C4orf33: variants seen among roughly 807,000 people sequenced by gnomAD.
C4orf33 encodes chromosome 4 open reading frame 33, also known as UPF0462 protein C4orf33.
C4orf33 carries 20 observed loss-of-function variants against 24.3 expected under a neutral mutation model. That is an observed-to-expected ratio of 0.82 (90% CI 0.58 to 1.19). The LOEUF (loss-of-function observed/expected upper bound fraction) is 1.19. Ranked by LOEUF, C4orf33 falls within the 50% of genes most tolerant of loss-of-function variation. The pLI is 0.00. For synonymous variants in C4orf33, 67 were observed against 76.4 expected (o/e 0.88, Z 0.64); for missense variants, 207 against 225.9 (o/e 0.92, Z 0.54).
intron 5 of C4orf33, among the ~76,000 whole-genome samples, chr4:129,110,495 G>A (rs1709416): frequency 0.27 from 41,691 of 152,038 alleles, 6,492 homozygotes; most frequent in Non-Finnish European, 0.35. Flanking sequence ...CTGTCCTGGG[G>A]CAAGCTGTGA....
At chr4:129,099,015 A>G (rs1437604105) in intron 1 of C4orf33, among the ~76,000 whole-genome samples, 2 of 152,090 alleles carry the variant, frequency 1.3e-5, no homozygotes, top group African/African-American at 4.8e-5. Flanking sequence ...TCTTGTTTTG[A>G]TAAGATTCTG....
At chr4:129,108,316 A>G (rs1052333894) in intron 3 of C4orf33, among the ~76,000 whole-genome samples, 12 of 152,192 alleles carry the variant, frequency 7.9e-5, no homozygotes, top group African/African-American at 1.2e-4. Flanking sequence ...TCATGTAAAT[A>G]CATGAAATCC....
chr4:129,106,708 T>G, intron 3 of C4orf33, 61 bp downstream of exon 3: 1 of 868,482 alleles, frequency 1.2e-6, no homozygotes, highest in Non-Finnish European at 1.8e-6. Flanking sequence ...TATTTTCTAG[T>G]TATAAATGAT....
chr4:129,102,773 G>A lies in C4orf33; in HGVS notation c.163G>A (p.Glu55Lys), dbSNP rs1281348714. 1.2e-6 allele frequency: 2 copies of A among 1,612,734 alleles called. No individual in the cohort carries two copies. Among genetic ancestry groups the A allele is most frequent in the Admixed American group, 1.7e-5 (1 of 59,696 alleles). The change falls in exon 2 of 6, where the codon GAA becomes AAA. Residue 55 changes from glutamate (E) to lysine (K), a missense_variant. Glu to Lys is a moderately conservative substitution (Grantham distance 56). Transcript: ENST00000425929. ...PLGEPGKPFN[E>K]LWDYEVVEAF... is the part of the protein sequence containing the mutation. The stretch of plus-strand genomic sequence containing the variant: ...TGGAGAACCAGGAAAACCTTTCAAT[G>A]AACTGTGGGATTATGAAGGTAAGTG...
chr4:129,110,583 A>G (rs1580018865), intron 5 of C4orf33, among the ~76,000 whole-genome samples: 2 of 152,280 alleles, frequency 1.3e-5, no homozygotes, highest in Non-Finnish European at 2.9e-5. Context: ...GAAGAACCTA[A>G]CAGAAACATC....
rs1040396778 is a variant in C4orf33 at position 129,113,910 on chromosome 4, C to T, written c.*2119C>T. 6.6e-6 allele frequency: 1 copy of T among 152,140 alleles called. No homozygotes were observed. Among genetic ancestry groups the T allele is most frequent in the African/African-American group, 2.4e-5 (1 of 41,424 alleles). The allele number at this position is 152,140 out of a possible 1,614,324, so 9.4% of individuals were successfully genotyped here. On this transcript the variant is annotated 3_prime_UTR_variant, in exon 6 of 6. Coordinates refer to ENST00000425929, the MANE Select transcript of C4orf33 (RefSeq NM_001099783.2). ...GGGTAGCAAGTGGATAAAGCAATTACAGTAAGCCCTCAGCCCTTTTCTCAT... is the reference window on the plus strand; with the variant it reads ...GGGTAGCAAGTGGATAAAGCAATTATAGTAAGCCCTCAGCCCTTTTCTCAT...
Position 129,112,772 on chromosome 4 carries a change from C to T in C4orf33, c.*981C>T, listed in dbSNP as rs1211905539. 1 of 151,994 alleles carries T rather than the reference C, an allele frequency of 6.6e-6. No homozygotes were observed. Among genetic ancestry groups the T allele is most frequent in the Non-Finnish European group, 1.5e-5 (1 of 67,940 alleles). 9.4% of individuals were successfully genotyped at this position (151,994 alleles called of 1,614,324 possible). On this transcript the variant is annotated 3_prime_UTR_variant, in exon 6 of 6. Coordinates refer to ENST00000425929, the MANE Select transcript of C4orf33 (RefSeq NM_001099783.2). ...GACTTACTCATTTCTTATATATGTTCTCTATCTAAAAAGAGAGCTGGTGTA... is the reference window on the plus strand; with the variant it reads ...GACTTACTCATTTCTTATATATGTTTTCTATCTAAAAAGAGAGCTGGTGTA...
intron 5 of C4orf33, among the ~76,000 whole-genome samples, chr4:129,110,555 C>T (rs908432550): frequency 2.6e-5 from 4 of 152,128 alleles, no homozygotes; most frequent in Non-Finnish European, 5.9e-5. Flanking sequence ...AAGGTAGTCT[C>T]GTGAGTCTGG....
chr4:129,094,231 T>A (rs960566238), upstream of C4orf33, among the ~76,000 whole-genome samples: 3 of 152,206 alleles, frequency 2.0e-5, no homozygotes, highest in Non-Finnish European at 4.4e-5. Flanking sequence ...AACAAAACGG[T>A]AAAACTTACA....
chr4:129,098,253 C>G (rs1435033621), intron 1 of C4orf33, among the ~76,000 whole-genome samples: 1 of 152,032 alleles, frequency 6.6e-6, no homozygotes. Context: ...ATTTGAGGTA[C>G]GAATGATCCT....
chr4:129,098,454 A>C (rs930471594), intron 1 of C4orf33, among the ~76,000 whole-genome samples: 1 of 152,222 alleles, frequency 6.6e-6, no homozygotes, highest in African/African-American at 2.4e-5. Context: ...GAATTTGCTT[A>C]GAATAATAGC....
intron 3 of C4orf33, among the ~76,000 whole-genome samples, chr4:129,108,054 G>A (rs750470290): frequency 6.6e-6 from 1 of 152,034 alleles, no homozygotes; most frequent in Non-Finnish European, 1.5e-5. Flanking sequence ...GTCATTTCCT[G>A]TAACAGTTTA....
rs558336897 is a variant in C4orf33 at position 129,102,740 on chromosome 4, G to T, written c.130G>T (p.Ala44Ser). ...TGCTCCATTTTTCAGGGATCCTCCA[G>T]CCCCACTTGGAGAACCAGGAAAACC... ...ISAPFFRDPPAPLGEPGKPFN... is the reference protein window; with the variant it reads ...ISAPFFRDPPSPLGEPGKPFN... The change falls in exon 2 of 6, where the codon GCC (alanine) becomes TCC (serine). Residue 44 changes from alanine to serine, a missense_variant. Coordinates refer to ENST00000425929, the MANE Select transcript of C4orf33 (RefSeq NM_001099783.2). 1 of 1,614,032 alleles carries T rather than the reference G, an allele frequency of 6.2e-7. No homozygotes were observed. Among genetic ancestry groups the T allele is most frequent in the South Asian group, 1.1e-5 (1 of 91,056 alleles).
intron 1 of C4orf33, among the ~76,000 whole-genome samples, chr4:129,098,067 T>C (rs1753252424): frequency 1.3e-5 from 2 of 152,204 alleles, no homozygotes; most frequent in Admixed American, 1.3e-4. Context: ...TTGCATATAC[T>C]TTTCCCCAGA....
intron 5 of C4orf33, among the ~76,000 whole-genome samples, chr4:129,111,255 C>G (rs1325002670): frequency 6.6e-6 from 1 of 152,214 alleles, no homozygotes; most frequent in Non-Finnish European, 1.5e-5. Flanking sequence ...ACCTCTCTTG[C>G]TTCAGCAGAG....
rs753884500 is a variant in C4orf33, at chr4:129,102,605, C to T, written c.-6C>T. ...GTTTTAACATATTTTCTTTTAGAGA[C>T]TTCAGATGGATTTTAAAATTGAACA... On this transcript the variant is annotated 5_prime_UTR_variant, in exon 2 of 6. Coordinates refer to ENST00000425929, the MANE Select transcript of C4orf33 (RefSeq NM_001099783.2). 6.3e-6 allele frequency: 10 copies of T among 1,597,364 alleles called. No homozygotes were observed. In the Admixed American group the frequency reaches 1.7e-4, roughly 28 times the overall value.
At chr4:129,096,546 C>A (rs1753212773) in intron 1 of C4orf33, among the ~76,000 whole-genome samples, 1 of 152,118 alleles carries the variant, frequency 6.6e-6, no homozygotes, top group Non-Finnish European at 1.5e-5. Flanking sequence ...TTAAACTTTG[C>A]GGACATTTTT....
chr4:129,115,812 ATAT>A lies in C4orf33; in HGVS notation c.*4022_*4024del, dbSNP rs1753765238. 8.1e-6 allele frequency: 1 copy of A among 123,568 alleles called. No homozygotes were observed. The highest frequency in any genetic ancestry group is 1.7e-5 in the Non-Finnish European group (1 of 58,200). The allele number at this position is 123,568 out of a possible 1,614,324, so 7.7% of individuals were successfully genotyped here. On this transcript the variant is annotated 3_prime_UTR_variant, in exon 6 of 6. Transcript: ENST00000425929. ...AAATCTTCTAACTAAATATATATAT[ATAT>A]ATATATATATATATAAAATATATAT...
At chr4:129,094,672 G>T (rs796097509), upstream of C4orf33, among the ~76,000 whole-genome samples, 7 of 152,324 alleles carry the variant, frequency 4.6e-5, no homozygotes, top group African/African-American at 1.7e-4. Flanking sequence ...TGGATGTGTA[G>T]CTTAATAATC....
Sources: gnomAD v4.1 joint callset for allele counts (sites outside exome capture counted in the v4.1 genomes callset) on GRCh38, gnomAD v4.1.1 for gene constraint, MANE v1.5 for transcripts, NCBI Gene and HGNC (gene_info 2026-07-23, HGNC 2026-07-21) for gene names.